EFHC1: variants seen among roughly 807,000 people sequenced by gnomAD.
The protein encoded by EFHC1 is EF-hand domain-containing protein 1.
In EFHC1, 53 loss-of-function variants were observed where a neutral mutation model predicts 69.9. That is an observed-to-expected ratio of 0.76 (90% CI 0.61 to 0.95). The LOEUF (loss-of-function observed/expected upper bound fraction) is 0.95, where lower values mean the gene tolerates loss of function less well. Among genes scored for constraint, EFHC1 ranks in the 40% least tolerant of loss-of-function variants. EFHC1 has a pLI of 0.00. For missense variants in EFHC1, 739 were observed against 798.7 expected, an observed-to-expected ratio of 0.93 and a Z score of 0.90; for synonymous variants, 256 against 278.4, an observed-to-expected ratio of 0.92 and a Z score of 0.80.
intron 7 of EFHC1, among the ~76,000 whole-genome samples, chr6:52,472,083 C>T (rs1180238991): frequency 1.3e-5 from 2 of 151,296 alleles, no homozygotes; most frequent in African/African-American, 4.9e-5. Flanking sequence ...TTGCTAAAAT[C>T]AATCTAATAT....
At chr6:52,479,582 A>G in intron 8 of EFHC1, 58 bp from the exon 9 acceptor site, 1 of 1,610,424 alleles carries the variant, frequency 6.2e-7, no homozygotes. Flanking sequence ...ATACTATTTT[A>G]CTCCTGATTG....
chr6:52,495,918 GT>G lies in EFHC1; in HGVS notation c.*3578del, dbSNP rs1452540355. On this transcript the variant is annotated 3_prime_UTR_variant, in exon 11 of 11. Transcript: ENST00000371068. ...CCAAAGCCAGCAGGCCATTTCTGTG[GT>G]GTCCAAACACTCGCTGCTCACCTGT... 1 of 289,460 alleles carries G rather than the reference GT, an allele frequency of 3.5e-6. No homozygotes were observed. Among genetic ancestry groups the G allele is most frequent in the African/African-American group, 2.2e-5 (1 of 45,824 alleles). 17.9% of individuals were successfully genotyped at this position (289,460 alleles called of 1,614,324 possible). A position where few individuals can be genotyped will look rare whatever the true frequency, so the allele number is the denominator to read the frequency against.
At position 52,496,368 on chromosome 6, in the gene EFHC1, G is replaced by A. The variant is rs887976791; in HGVS notation, c.*4027G>A. ...CCTTGCGGGTAAAGATGGGCTGTGA[G>A]TTAGCCACTACTCAGAAACCTGGGC... On this transcript the variant is annotated 3_prime_UTR_variant, in exon 11 of 11. Transcript: ENST00000371068. The A allele has an allele frequency of 1.3e-5, 2 of 152,334 alleles. No individual in the cohort carries two copies. Among genetic ancestry groups the A allele is most frequent in the East Asian group, 3.8e-4 (2 of 5,200 alleles). 9.4% of individuals were successfully genotyped at this position (152,334 alleles called of 1,614,324 possible).
At chr6:52,471,563 G>A (rs2181274) in intron 7 of EFHC1, among the ~76,000 whole-genome samples, 49,339 of 152,000 alleles carry the variant, frequency 0.32, 8,222 homozygotes, top group Admixed American at 0.46. Context: ...TCAGATACTG[G>A]CACTATGAAA....
intron 1 of EFHC1, chr6:52,423,657 ATTTTTT>A: frequency 2.7e-5 from 7 of 262,638 alleles, no homozygotes; most frequent in Admixed American, 7.8e-5. Flanking sequence ...CACCCAGCTA[ATTTTTT>A]TTTTTTTTTT....
intron 9 of EFHC1, chr6:52,482,880 T>C (rs936700475): frequency 2.5e-6 from 1 of 398,312 alleles, no homozygotes; most frequent in African/African-American, 2.1e-5. Context: ...TCTATAACTC[T>C]ATTTATATTT....
At chr6:52,479,550 T>G in intron 8 of EFHC1, 90 bp from the exon 9 acceptor site, 1 of 1,571,758 alleles carries the variant, frequency 6.4e-7, no homozygotes, top group South Asian at 1.1e-5. Context: ...TGCATACCTG[T>G]GAATTTATCA....
chr6:52,475,009 T>G (rs1335777053), intron 7 of EFHC1, among the ~76,000 whole-genome samples: 2 of 95,930 alleles, frequency 2.1e-5, no homozygotes, highest in Non-Finnish European at 4.2e-5. Context: ...TTGTTTTGGG[T>G]TTTTTTTTTT....
intron 9 of EFHC1, chr6:52,482,465 ATAAT>A (rs143751135): frequency 0.055 from 12,404 of 223,986 alleles, 422 homozygotes; most frequent in South Asian, 0.094. Context: ...GATAACATTA[ATAAT>A]TAAAGTGTTT....
chr6:52,421,644 G>C (rs534073493), intron 1 of EFHC1, among the ~76,000 whole-genome samples: 1 of 152,134 alleles, frequency 6.6e-6, no homozygotes, highest in African/African-American at 2.4e-5. Flanking sequence ...AAAATATTTT[G>C]TCAATTTATT....
chr6:52,491,174 A>G (rs1219704103), intron 10 of EFHC1, among the ~76,000 whole-genome samples: 1 of 152,176 alleles, frequency 6.6e-6, no homozygotes, highest in Non-Finnish European at 1.5e-5. Flanking sequence ...ATAGAAGAGT[A>G]TTTGTTCATG....
chr6:52,434,711 A>C (rs1032626637), intron 2 of EFHC1, among the ~76,000 whole-genome samples: 1 of 152,216 alleles, frequency 6.6e-6, no homozygotes, highest in Non-Finnish European at 1.5e-5. Flanking sequence ...TCCATCTGCC[A>C]TGATTCCAGG....
rs985379533 is a variant in EFHC1 at position 52,430,678 on chromosome 6, T to C, written c.285+6511T>C. ...ATCAGTCTATAGTTTTATTTTTTGG[T>C]TATGTCCTTTCCTGGTTTTGGTATT... On this transcript the variant is annotated intron_variant, in intron 2 of 10. Coordinates refer to ENST00000371068, the MANE Select transcript of EFHC1 (RefSeq NM_018100.4). 1.3e-4 allele frequency among the ~76,000 whole-genome samples: 20 copies of C among 152,282 alleles called. 1 individual carries two copies. The highest frequency in any genetic ancestry group is 4.6e-4 in the African/African-American group (19 of 41,564).
chr6:52,465,622 C>T (rs113685297), intron 6 of EFHC1, among the ~76,000 whole-genome samples: 19 of 151,842 alleles, frequency 1.3e-4, no homozygotes, highest in African/African-American at 4.6e-4. Context: ...GCCTGGCCAA[C>T]GTAGTGAAAC....
intron 9 of EFHC1, chr6:52,483,625 A>G (rs1324660966): frequency 6.6e-6 from 1 of 152,118 alleles, no homozygotes; most frequent in African/African-American, 2.4e-5. Flanking sequence ...TTACTTCCGG[A>G]TGTTGTCATG....
At position 52,465,121 on chromosome 6, in the gene EFHC1, CAGAT is replaced by C; in HGVS notation, c.1137+9_1137+12del. 1 of 1,612,010 alleles carries C rather than the reference CAGAT, an allele frequency of 6.2e-7. No individual in the cohort carries two copies. On this transcript the variant is annotated splice_region_variant and intron_variant, in intron 6 of 10. Transcript: ENST00000371068. Reference sequence around the variant, plus strand: ...AACCACCTCCAGTAAAACAGGTAATCAGATAGTACTTCTTAGTGTGGTGAGAAAA... The same window carrying C: ...AACCACCTCCAGTAAAACAGGTAATCAGTACTTCTTAGTGTGGTGAGAAAA...
At position 52,492,262 on chromosome 6, in the gene EFHC1, C is replaced by G; in HGVS notation, c.1852-8C>G. ...CTGTCTCACCTATTCTCTTTGCTCT[C>G]TCTGCAGTTAATCAGGATGTGCTCT... On this transcript the variant is annotated splice_region_variant and splice_polypyrimidine_tract_variant and intron_variant, in intron 10 of 10. Coordinates refer to ENST00000371068, the MANE Select transcript of EFHC1 (RefSeq NM_018100.4). 6.2e-7 allele frequency: 1 copy of G among 1,613,466 alleles called. No individual in the cohort carries two copies. The highest frequency in any genetic ancestry group is 8.5e-7 in the Non-Finnish European group (1 of 1,179,468).
At chr6:52,468,362 A>AGT (rs1474363458) in intron 6 of EFHC1, 2 of 152,232 alleles carry the variant, frequency 1.3e-5, no homozygotes, top group Non-Finnish European at 2.9e-5. Flanking sequence ...AGTAGCTTGA[A>AGT]GTATGAGAAG....
intron 5 of EFHC1, among the ~76,000 whole-genome samples, chr6:52,458,198 T>C (rs1765086163): frequency 6.6e-6 from 1 of 152,046 alleles, no homozygotes; most frequent in African/African-American, 2.4e-5. Context: ...TACCTCACCA[T>C]ACATAAAAGT....
Sources: allele counts gnomAD v4.1 joint callset (sites outside exome capture counted in the v4.1 genomes callset), GRCh38; gene constraint gnomAD v4.1.1; transcripts MANE v1.5; gene names NCBI Gene and HGNC (gene_info 2026-07-23, HGNC 2026-07-21).